The following PTPRG variants were observed in gnomAD, a reference collection of about 807,000 sequenced individuals.
The protein encoded by PTPRG is protein tyrosine phosphatase receptor type G.
Under a neutral mutation model 165.3 loss-of-function variants are expected in PTPRG, and 102 were observed. The ratio of observed to expected loss-of-function variants is 0.62; its 90% confidence interval spans 0.53 to 0.73. PTPRG has a LOEUF of 0.73. Ranked by LOEUF, PTPRG falls within the 30% of genes least tolerant of loss-of-function variation. The pLI is 0.00. For missense variants in PTPRG, 1,866 were observed against 1,861.4 expected (o/e 1.00, Z -0.05); for synonymous variants, 675 against 669.5 (o/e 1.01, Z -0.13).
chr3:62,221,140 T>A (rs1298720444), intron 13 of PTPRG, among the ~76,000 whole-genome samples: 28 of 152,238 alleles, frequency 1.8e-4, no homozygotes, highest in Non-Finnish European at 5.9e-5. Flanking sequence ...GACAACTGTT[T>A]ATACTTCTGA....
intron 2 of PTPRG, among the ~76,000 whole-genome samples, chr3:61,801,102 C>G (rs2035227165): frequency 6.6e-6 from 1 of 152,162 alleles, no homozygotes; most frequent in Admixed American, 6.5e-5. Flanking sequence ...AAGTGTGTCA[C>G]CAGCTGCTTC....
At chr3:62,071,831 T>G (rs1701219416) in intron 4 of PTPRG, among the ~76,000 whole-genome samples, 1 of 152,198 alleles carries the variant, frequency 6.6e-6, no homozygotes, top group African/African-American at 2.4e-5. Flanking sequence ...TCCTTGCCTA[T>G]AAAATGAGAA....
At chr3:62,117,098 C>T (rs1340655642) in intron 5 of PTPRG, among the ~76,000 whole-genome samples, 1 of 152,170 alleles carries the variant, frequency 6.6e-6, no homozygotes, top group African/African-American at 2.4e-5. Context: ...AACGTGTACC[C>T]TGAGACTTCT....
intron 20 of PTPRG, among the ~76,000 whole-genome samples, chr3:62,269,600 T>G (rs999853302): frequency 1.3e-5 from 2 of 152,206 alleles, no homozygotes; most frequent in East Asian, 1.9e-4. Context: ...AAATGAATGC[T>G]ACATAATATA....
chr3:61,585,798 C>T (rs988272359), intron 1 of PTPRG, among the ~76,000 whole-genome samples: 1 of 152,224 alleles, frequency 6.6e-6, no homozygotes, highest in Non-Finnish European at 1.5e-5. Flanking sequence ...ATCTTTTATT[C>T]AGCATGCAGT....
intron 8 of PTPRG, among the ~76,000 whole-genome samples, chr3:62,187,954 C>T (rs562411672): frequency 6.6e-6 from 1 of 152,284 alleles, no homozygotes; most frequent in African/African-American, 2.4e-5. Context: ...CCTTTGAGAG[C>T]TTAACTCAGT....
chr3:61,618,337 C>G (rs553760757), intron 1 of PTPRG, among the ~76,000 whole-genome samples: 4 of 152,244 alleles, frequency 2.6e-5, no homozygotes, highest in South Asian at 2.1e-4. Context: ...GTCTCACAAG[C>G]TTAGACTCCA....
At chr3:62,175,338 G>A (rs1202078252) in intron 8 of PTPRG, among the ~76,000 whole-genome samples, 1 of 152,172 alleles carries the variant, frequency 6.6e-6, no homozygotes, top group Non-Finnish European at 1.5e-5. Context: ...CAAGAGAGCC[G>A]AGTGCCGTGG....
At chr3:62,289,597 A>ATATT (rs1702799201) in intron 28 of PTPRG, among the ~76,000 whole-genome samples, 1 of 151,820 alleles carries the variant, frequency 6.6e-6, no homozygotes, top group African/African-American at 2.4e-5. Flanking sequence ...AGCTTTTGAT[A>ATATT]TATTATCAAA....
At chr3:61,867,376 G>A (rs1184064177) in intron 2 of PTPRG, among the ~76,000 whole-genome samples, 3 of 152,150 alleles carry the variant, frequency 2.0e-5, no homozygotes, top group African/African-American at 4.8e-5. Flanking sequence ...CTGGGTAACT[G>A]GTTAGTGTAA....
At chr3:61,779,737 C>A (rs2034489447) in intron 2 of PTPRG, among the ~76,000 whole-genome samples, 1 of 152,074 alleles carries the variant, frequency 6.6e-6, no homozygotes, top group African/African-American at 2.4e-5. Context: ...CTGTTAATAT[C>A]CCACCCACAT....
At chr3:62,168,289 A>AT (rs891751710) in intron 8 of PTPRG, 126 bp downstream of exon 8, 45 of 917,872 alleles carry the variant, frequency 4.9e-5, no homozygotes, top group Non-Finnish European at 7.1e-5. Context: ...TCTCTGCTAA[A>AT]GGGAGCCTGT....
intron 1 of PTPRG, among the ~76,000 whole-genome samples, chr3:61,668,879 A>G (rs925909692): frequency 4.6e-5 from 7 of 152,200 alleles, no homozygotes; most frequent in Non-Finnish European, 1.0e-4. Flanking sequence ...AAGCTCCTCT[A>G]TCTGAAATTA....
chr3:62,022,611 A>G (rs2041723602), intron 4 of PTPRG, among the ~76,000 whole-genome samples: 1 of 152,162 alleles, frequency 6.6e-6, no homozygotes, highest in Non-Finnish European at 1.5e-5. Flanking sequence ...TAATGTTCTT[A>G]TGAATGGGGA....
At chr3:61,836,665 C>T (rs1268175576) in intron 2 of PTPRG, among the ~76,000 whole-genome samples, 1 of 152,204 alleles carries the variant, frequency 6.6e-6, no homozygotes, top group African/African-American at 2.4e-5. Context: ...GTTTTAATAA[C>T]TTGCTGAAGA....
chr3:61,659,321 C>T, intron 1 of PTPRG: 1 of 985,326 alleles, frequency 1.0e-6, no homozygotes, highest in Non-Finnish European at 1.2e-6. Flanking sequence ...CCAAACAGTG[C>T]TGCTCAGTTG....
intron 2 of PTPRG, among the ~76,000 whole-genome samples, chr3:61,932,031 C>A (rs2039374586): frequency 6.6e-6 from 1 of 152,058 alleles, no homozygotes; most frequent in South Asian, 2.1e-4. Context: ...TATTTTTTTA[C>A]TATTTAAAAC....
intron 13 of PTPRG, among the ~76,000 whole-genome samples, chr3:62,221,374 C>G (rs917808758): frequency 6.6e-6 from 1 of 152,130 alleles, no homozygotes; most frequent in Non-Finnish European, 1.5e-5. Context: ...AAAGAAAATT[C>G]TTATAGAGCA....
chr3:62,150,599 A>G (rs1704296765), intron 6 of PTPRG, among the ~76,000 whole-genome samples: 1 of 152,160 alleles, frequency 6.6e-6, no homozygotes, highest in Admixed American at 6.5e-5. Context: ...CCCTCCTTGC[A>G]TAACACCAGG....
Sources: gnomAD v4.1 joint callset for allele counts (sites outside exome capture counted in the v4.1 genomes callset) on GRCh38, gnomAD v4.1.1 for gene constraint, MANE v1.5 for transcripts, NCBI Gene and HGNC (gene_info 2026-07-23, HGNC 2026-07-21) for gene names.